The following DGKI variants were observed in gnomAD, a reference collection of about 807,000 sequenced individuals.
DGKI encodes diacylglycerol kinase iota.
DGKI carries 55 observed loss-of-function variants against 147.5 expected under a neutral mutation model. The observed-to-expected ratio is 0.37, with a 90% CI of 0.30 to 0.47. The LOEUF (loss-of-function observed/expected upper bound fraction) is 0.47. DGKI is among the 20% of genes least tolerant of loss of function. DGKI has a pLI of 1.00. For synonymous variants in DGKI, 469 were observed against 477.1 expected (o/e 0.98, Z 0.22); for missense variants, 1,007 against 1,323.8 (o/e 0.76, Z 3.71).
chr7:137,846,190 C>CA lies in DGKI; in HGVS notation c.401+271dup, dbSNP rs1262264996. On this transcript the variant is annotated intron_variant, in intron 1 of 32. Coordinates refer to ENST00000614521, the MANE Select transcript of DGKI (RefSeq NM_001321708.2). This position sits in a 1 kb window ranked among gnomAD's most constrained non-coding sequence, Gnocchi z 4.0. Reference sequence around the variant, plus strand: ...ACACACACACACACACACACACACACACACACACACACAGACAAAATTTCT... The same window carrying CA: ...ACACACACACACACACACACACACACAACACACACACACAGACAAAATTTCT... Among the ~76,000 whole-genome samples, 1 of 151,308 alleles carries CA rather than the reference C, an allele frequency of 6.6e-6. No homozygotes were observed. The highest frequency in any genetic ancestry group is 2.4e-5 in the African/African-American group (1 of 40,898).
At chr7:137,406,930 C>A (rs1364310784) in intron 30 of DGKI, among the ~76,000 whole-genome samples, 271 of 92,490 alleles carry the variant, frequency 2.9e-3, no homozygotes, top group Admixed American at 3.9e-3. Context: ...TGCTGAATTG[C>A]AAAAAAAAAA....
chr7:137,463,386 G>T, intron 27 of DGKI, 103 bp downstream of exon 27: 2 of 1,485,968 alleles, frequency 1.3e-6, no homozygotes, highest in South Asian at 1.3e-5. Context: ...CAGCCTGAGC[G>T]CCATTGAAAA....
chr7:137,676,748 T>G (rs1373956292), intron 3 of DGKI, among the ~76,000 whole-genome samples: 1 of 152,222 alleles, frequency 6.6e-6, no homozygotes, highest in Non-Finnish European at 1.5e-5. Context: ...CTTGTTGCTT[T>G]TCCTGGCCTA....
At chr7:137,561,948 T>C (rs1225459867) in intron 19 of DGKI, among the ~76,000 whole-genome samples, 4 of 152,172 alleles carry the variant, frequency 2.6e-5, no homozygotes, top group Non-Finnish European at 5.9e-5. Context: ...AGAATGAGGA[T>C]AAAATAAAGA....
At chr7:137,746,052 G>A (rs1462652414) in intron 1 of DGKI, among the ~76,000 whole-genome samples, 2 of 152,034 alleles carry the variant, frequency 1.3e-5, no homozygotes, top group Non-Finnish European at 2.9e-5. Flanking sequence ...GGCTTTCCAA[G>A]GGGGGATACT....
chr7:137,561,607 G>A (rs1361298906), intron 19 of DGKI, among the ~76,000 whole-genome samples: 1 of 152,158 alleles, frequency 6.6e-6, no homozygotes, highest in Non-Finnish European at 1.5e-5. Flanking sequence ...TGTTTGAGAT[G>A]ATCGATATGC....
At chr7:137,497,485 G>C (rs555628558) in intron 21 of DGKI, among the ~76,000 whole-genome samples, 1 of 152,042 alleles carries the variant, frequency 6.6e-6, no homozygotes. Flanking sequence ...AAAGACACAT[G>C]CACGTGTATG....
At chr7:137,654,971 G>C (rs988591662) in intron 4 of DGKI, among the ~76,000 whole-genome samples, 183 bp from the exon 5 acceptor site, 3 of 151,906 alleles carry the variant, frequency 2.0e-5, no homozygotes, top group Admixed American at 6.6e-5. Flanking sequence ...AGAGATCCCA[G>C]GTGATTCTAT....
Position 137,384,555 on chromosome 7 carries a change from A to G in DGKI, c.*6665T>C, listed in dbSNP as rs920957614. 2.6e-5 allele frequency: 4 copies of G among 152,078 alleles called. No individual in the cohort carries two copies. Among genetic ancestry groups the G allele is most frequent in the African/African-American group, 9.7e-5 (4 of 41,428 alleles). The allele number at this position is 152,078 out of a possible 1,614,324, so 9.4% of individuals were successfully genotyped here. A position where few individuals can be genotyped will look rare whatever the true frequency, so the allele number is the denominator to read the frequency against. On this transcript the variant is annotated 3_prime_UTR_variant, in exon 33 of 33. Transcript: ENST00000614521. The stretch of plus-strand genomic sequence containing the variant: ...TCTGGCTGCAGCACTATCATTTGCT[A>G]TATGAATCTGCACAGGCTGAATTCA...
intron 23 of DGKI, among the ~76,000 whole-genome samples, chr7:137,474,936 A>G (rs965670812): frequency 6.6e-6 from 1 of 152,170 alleles, no homozygotes; most frequent in Admixed American, 6.5e-5. Flanking sequence ...CTACAATAAT[A>G]TCTATCATAA....
intron 4 of DGKI, among the ~76,000 whole-genome samples, chr7:137,655,712 G>A (rs1235882416): frequency 2.0e-5 from 3 of 152,178 alleles, no homozygotes; most frequent in Admixed American, 6.5e-5. Context: ...GGATCAACTG[G>A]TCATGTCAGT....
chr7:137,598,039 T>C, intron 11 of DGKI, 132 bp from the exon 12 acceptor site: 3 of 730,186 alleles, frequency 4.1e-6, no homozygotes, highest in Non-Finnish European at 7.0e-6. Flanking sequence ...AGGATGACAA[T>C]GCTATCATAG....
At chr7:137,400,880 C>A (rs898726499) in intron 30 of DGKI, among the ~76,000 whole-genome samples, 8 of 152,140 alleles carry the variant, frequency 5.3e-5, no homozygotes, top group Non-Finnish European at 7.3e-5. Flanking sequence ...GAACACTGGC[C>A]AAGAAGAGGC....
intron 1 of DGKI, among the ~76,000 whole-genome samples, chr7:137,696,945 C>T (rs1348668013): frequency 2.6e-5 from 4 of 152,048 alleles, no homozygotes; most frequent in Non-Finnish European, 5.9e-5. Flanking sequence ...AGGGAGAAAG[C>T]CATGTGAAGA....
chr7:137,705,713 C>CA (rs1319133589), intron 1 of DGKI, among the ~76,000 whole-genome samples: 3 of 151,260 alleles, frequency 2.0e-5, no homozygotes, highest in Non-Finnish European at 4.4e-5. Context: ...ATAAAAATTA[C>CA]AAAAAAGAAA....
chr7:137,399,716 C>T (rs1188407780), intron 30 of DGKI, among the ~76,000 whole-genome samples: 1 of 152,128 alleles, frequency 6.6e-6, no homozygotes, highest in African/African-American at 2.4e-5. Context: ...TCGAGACCAG[C>T]CTGACCAACA....
intron 21 of DGKI, among the ~76,000 whole-genome samples, chr7:137,517,671 T>C (rs774376439): frequency 2.6e-5 from 4 of 152,166 alleles, no homozygotes; most frequent in Admixed American, 1.3e-4. Context: ...TTGTAACTTT[T>C]TTGTAAATCT....
At chr7:137,414,250 G>A (rs537336219) in intron 28 of DGKI, among the ~76,000 whole-genome samples, 3 of 152,206 alleles carry the variant, frequency 2.0e-5, no homozygotes, top group Admixed American at 1.3e-4. Flanking sequence ...TTTGACCAAC[G>A]CTGAAGCCTT....
At chr7:137,791,028 T>G (rs1295253860) in intron 1 of DGKI, among the ~76,000 whole-genome samples, 3 of 152,148 alleles carry the variant, frequency 2.0e-5, no homozygotes, top group African/African-American at 7.2e-5. Context: ...TGAGCAAGGC[T>G]TAAGCAACTC....
Sources: gnomAD v4.1 joint callset for allele counts (sites outside exome capture counted in the v4.1 genomes callset) on GRCh38, gnomAD v4.1.1 for gene constraint, Gnocchi (gnomAD v3.1) non-coding constraint, MANE v1.5 for transcripts, NCBI Gene and HGNC (gene_info 2026-07-23, HGNC 2026-07-21) for gene names.